PPP2R5E: variants seen among roughly 807,000 people sequenced by gnomAD.
The protein encoded by PPP2R5E is protein phosphatase 2 regulatory subunit B'epsilon, also known as serine/threonine-protein phosphatase 2A 56 kDa regulatory subunit epsilon isoform.
PPP2R5E carries 4 observed loss-of-function variants against 65.3 expected under a neutral mutation model. The observed-to-expected ratio is 0.06, with a 90% confidence interval of 0.03 to 0.14. The LOEUF is 0.14. PPP2R5E is among the 10% of genes least tolerant of loss of function. PPP2R5E has a pLI of 1.00. For synonymous variants in PPP2R5E, 183 were observed against 187.4 expected (o/e 0.98, Z 0.19); for missense variants, 274 against 556.1 (o/e 0.49, Z 5.10).
Position 63,483,999 on chromosome 14 carries a change from G to A in PPP2R5E, c.158-30114C>T, listed in dbSNP as rs137877779. Among the ~76,000 whole-genome samples the A allele has an allele frequency of 5.5e-3, 839 of 151,804 alleles. 10 individuals are homozygous for A. Among genetic ancestry groups the A allele is most frequent in the African/African-American group, 0.019 (791 of 41,376 alleles). ...TCAGGGGGGCTGAGGCAGGAGAATC[G>A]CTTGAACTGGTGAGGCGGAGGTTGC... is the stretch of plus-strand genomic sequence containing the variant. On this transcript the variant is annotated intron_variant, in intron 2 of 13. Coordinates refer to ENST00000337537, the MANE Select transcript of PPP2R5E (RefSeq NM_006246.5).
intron 2 of PPP2R5E, among the ~76,000 whole-genome samples, chr14:63,525,437 C>A (rs544443806): frequency 7.2e-5 from 11 of 152,284 alleles, no homozygotes; most frequent in Admixed American, 5.2e-4. Flanking sequence ...CAAAAAGAAT[C>A]AAAAATCAGG....
chr14:63,481,578 T>C (rs1566734554), intron 2 of PPP2R5E, among the ~76,000 whole-genome samples: 1 of 151,948 alleles, frequency 6.6e-6, no homozygotes, highest in African/African-American at 2.4e-5. Context: ...GAAGAGCTCA[T>C]TTATTTAATT....
chr14:63,458,704 AT>A (rs1437984185), intron 2 of PPP2R5E, among the ~76,000 whole-genome samples: 3 of 152,204 alleles, frequency 2.0e-5, no homozygotes, highest in Non-Finnish European at 4.4e-5. Flanking sequence ...GTGAATAAGT[AT>A]TTCTATAAAA....
At chr14:63,404,284 A>AG in intron 5 of PPP2R5E, among the ~76,000 whole-genome samples, 1 of 152,218 alleles carries the variant, frequency 6.6e-6, no homozygotes, top group East Asian at 1.9e-4. Context: ...ATGTAAAGTA[A>AG]GATTTTAGAG....
At chr14:63,455,715 C>G (rs991785953) in intron 2 of PPP2R5E, among the ~76,000 whole-genome samples, 1 of 152,184 alleles carries the variant, frequency 6.6e-6, no homozygotes, top group African/African-American at 2.4e-5. Flanking sequence ...TAACCAATGA[C>G]TAATTCATGC....
rs535110948 is a variant in PPP2R5E, at chr14:63,388,063, C to T, written c.1074+1549G>A. Among the ~76,000 whole-genome samples, 5 of 151,988 alleles carry T rather than the reference C, an allele frequency of 3.3e-5. No individual in the cohort carries two copies. In the South Asian group the frequency reaches 6.2e-4, roughly 19 times the overall value. On this transcript the variant is annotated intron_variant, in intron 11 of 13. Coordinates refer to ENST00000337537, the MANE Select transcript of PPP2R5E (RefSeq NM_006246.5). ...CAGCCCAAGCTGACAAAGACATGGC[C>T]TCTCTTTTCTAAGCTTCTGAGTAAC...
At chr14:63,467,174 C>T (rs371848265) in intron 2 of PPP2R5E, among the ~76,000 whole-genome samples, 21 of 147,482 alleles carry the variant, frequency 1.4e-4, no homozygotes, top group East Asian at 1.0e-3. Flanking sequence ...TGCAGTGAGC[C>T]GAGATCTTGC....
At chr14:63,488,643 A>G (rs1350623970) in intron 2 of PPP2R5E, among the ~76,000 whole-genome samples, 1 of 150,992 alleles carries the variant, frequency 6.6e-6, no homozygotes, top group Non-Finnish European at 1.5e-5. Context: ...GAAGTCAGGA[A>G]TTTGAGACCA....
intron 2 of PPP2R5E, among the ~76,000 whole-genome samples, chr14:63,514,462 A>G (rs1892584155): frequency 8.5e-6 from 1 of 118,324 alleles, no homozygotes; most frequent in African/African-American, 4.7e-5. Flanking sequence ...CTTTAAAACT[A>G]TGTTTATTAT....
chr14:63,525,131 C>T lies in PPP2R5E; in HGVS notation c.157+14398G>A, dbSNP rs77291041. On this transcript the variant is annotated intron_variant, in intron 2 of 13. Transcript: ENST00000337537. ...TTGGGCGTGCAGCTTAAATGAGACGCCATGTGGTACATTGCCTGGCACACC... is the reference window on the plus strand; with the variant it reads ...TTGGGCGTGCAGCTTAAATGAGACGTCATGTGGTACATTGCCTGGCACACC... 6.8e-3 allele frequency among the ~76,000 whole-genome samples: 1,042 copies of T among 152,308 alleles called. 62 individuals are homozygous for T. The East Asian group carries it at 0.14, about 21-fold the overall frequency.
At chr14:63,387,145 G>A (rs894318048) in intron 11 of PPP2R5E, among the ~76,000 whole-genome samples, 5 of 152,004 alleles carry the variant, frequency 3.3e-5, no homozygotes, top group Non-Finnish European at 7.4e-5. Flanking sequence ...TAAGAATGAG[G>A]CTGTTCTGAA....
At chr14:63,467,975 A>T (rs758614213) in intron 2 of PPP2R5E, among the ~76,000 whole-genome samples, 51 of 152,246 alleles carry the variant, frequency 3.3e-4, no homozygotes, top group Non-Finnish European at 6.2e-4. Flanking sequence ...TCTATAAATG[A>T]GGGTATAATA....
chr14:63,485,954 C>A (rs1475860410), intron 2 of PPP2R5E, among the ~76,000 whole-genome samples: 2 of 151,480 alleles, frequency 1.3e-5, no homozygotes, highest in African/African-American at 4.9e-5. Context: ...CTCCACCTCC[C>A]AAGTAGTTGG....
At chr14:63,500,277 C>T (rs536664369) in intron 2 of PPP2R5E, among the ~76,000 whole-genome samples, 13 of 152,072 alleles carry the variant, frequency 8.5e-5, no homozygotes, top group African/African-American at 2.2e-4. Context: ...TTTCAGAAAC[C>T]GACGCCCTAG....
At position 63,375,197 on chromosome 14, in the gene PPP2R5E, G is replaced by C. The variant is rs2139721826; in HGVS notation, c.*812C>G. 1 of 152,698 alleles carries C rather than the reference G, an allele frequency of 6.5e-6. No homozygotes were observed. The highest frequency in any genetic ancestry group is 2.1e-4 in the South Asian group (1 of 4,828). 9.5% of individuals were successfully genotyped at this position (152,698 alleles called of 1,614,324 possible). On this transcript the variant is annotated 3_prime_UTR_variant, in exon 14 of 14. Coordinates refer to ENST00000337537, the MANE Select transcript of PPP2R5E (RefSeq NM_006246.5). Reference sequence around the variant, plus strand: ...CACATTTCTAAAACATCTCTGGTATGTGTGTTCAATGATATATGCAACTAA... The same window carrying C: ...CACATTTCTAAAACATCTCTGGTATCTGTGTTCAATGATATATGCAACTAA...
At chr14:63,480,442 C>A (rs1045237768) in intron 2 of PPP2R5E, among the ~76,000 whole-genome samples, 1 of 152,060 alleles carries the variant, frequency 6.6e-6, no homozygotes, top group Non-Finnish European at 1.5e-5. Context: ...GGCAACAGAG[C>A]GAGACCCTGT....
chr14:63,465,031 G>GA lies in PPP2R5E; in HGVS notation c.158-11147dup, dbSNP rs34190976. Among the ~76,000 whole-genome samples, 208 of 120,554 alleles carry GA rather than the reference G, an allele frequency of 1.7e-3. 1 individual carries two copies. Among genetic ancestry groups the GA allele is most frequent in the African/African-American group, 2.2e-3 (82 of 37,530 alleles). The allele number at this position is 120,554 out of a possible 152,430, so 79.1% of individuals were successfully genotyped here. ...TAGTGAGACTCTGTCTCAAGAAGAAGAAAAAAAAAAAAAGACAAGAAAAGA... is the reference window on the plus strand; with the variant it reads ...TAGTGAGACTCTGTCTCAAGAAGAAGAAAAAAAAAAAAAAGACAAGAAAAGA... On this transcript the variant is annotated intron_variant, in intron 2 of 13. Transcript: ENST00000337537.
At chr14:63,442,805 C>A (rs1409806983) in intron 3 of PPP2R5E, among the ~76,000 whole-genome samples, 1 of 152,136 alleles carries the variant, frequency 6.6e-6, no homozygotes, top group Non-Finnish European at 1.5e-5. Flanking sequence ...TGTAACATAT[C>A]CCCATGGTTA....
chr14:63,530,326 G>A (rs894711312), intron 2 of PPP2R5E, among the ~76,000 whole-genome samples: 15 of 138,284 alleles, frequency 1.1e-4, no homozygotes, highest in South Asian at 7.5e-4. Flanking sequence ...TCTGCCTCCC[G>A]GATTCAAGCG....
Sources: gnomAD v4.1 joint callset for allele counts (sites outside exome capture counted in the v4.1 genomes callset) on GRCh38, gnomAD v4.1.1 for gene constraint, MANE v1.5 for transcripts, NCBI Gene and HGNC (gene_info 2026-07-23, HGNC 2026-07-21) for gene names.